Variants in MTUS1 observed in about 807,000 individuals in gnomAD.
The protein encoded by MTUS1 is microtubule associated scaffold protein 1.
In MTUS1, 109 loss-of-function variants were observed where a neutral mutation model predicts 120.8. That is an observed-to-expected ratio of 0.90 (90% confidence interval 0.77 to 1.06). The LOEUF is 1.06. MTUS1 is among the 50% of genes least tolerant of loss of function. MTUS1 has a pLI of 0.00. For missense variants in MTUS1, 2,210 were observed against 1,486.3 expected (o/e 1.49, Z -8.01); for synonymous variants, 737 against 550.5 (o/e 1.34, Z -4.74).
At chr8:17,665,978 G>A (rs566727008) in intron 8 of MTUS1, among the ~76,000 whole-genome samples, 7 of 152,046 alleles carry the variant, frequency 4.6e-5, no homozygotes, top group South Asian at 2.1e-4. Flanking sequence ...CCTCCCCTAA[G>A]GTTCTAGCCT....
At chr8:17,703,047 G>A (rs1170039400) in intron 6 of MTUS1, among the ~76,000 whole-genome samples, 1 of 152,142 alleles carries the variant, frequency 6.6e-6, no homozygotes, top group Non-Finnish European at 1.5e-5. Flanking sequence ...CAATCTGATT[G>A]CAAAATGTTT....
chr8:17,675,249 C>G lies in MTUS1; in HGVS notation c.2842G>C (p.Glu948Gln). ...GTTTTGTGTTGTTTCAGTGCTTCCT[C>G]CCGCTGCGGAAAACACACATCAAGT... The part of the protein sequence containing the change: ...VVIQHLLSER[E>Q]EALKQHKTLS... The change falls in exon 8 of 15, where the codon GAG becomes CAG. Residue 948 changes from glutamate (E) to glutamine (Q), a missense_variant. Coordinates refer to ENST00000693296, the MANE Select transcript of MTUS1 (RefSeq NM_001363059.2). 1.9e-6 allele frequency: 3 copies of G among 1,614,058 alleles called. No homozygotes were observed. The highest frequency in any genetic ancestry group is 2.5e-6 in the Non-Finnish European group (3 of 1,179,972).
In MTUS1 at chr8:17,755,585, G is replaced by T. The variant is rs61733703; in HGVS notation, c.223C>A (p.Gln75Lys). The change falls in exon 2 of 15, where the codon CAG becomes AAG. Residue 75 changes from glutamine to lysine, a missense_variant. Gln to Lys is a moderately conservative substitution (Grantham distance 53). Coordinates refer to ENST00000693296, the MANE Select transcript of MTUS1 (RefSeq NM_001363059.2). ...VTGENISLSLQGVEVFGHEKS... is the reference protein window; with the variant it reads ...VTGENISLSLKGVEVFGHEKS... ...TCATGACCAAATACTTCAACACCCT[G>T]AAGGCTTAAAGAAATATTTTCACCA... The T allele has an allele frequency of 1.7e-3, 2,791 of 1,614,124 alleles. 47 individuals are homozygous for T. In the African/African-American group the frequency reaches 0.033, roughly 19 times the overall value.
intron 1 of MTUS1, among the ~76,000 whole-genome samples, chr8:17,759,160 C>G (rs1395292528): frequency 6.6e-6 from 1 of 152,176 alleles, no homozygotes; most frequent in Non-Finnish European, 1.5e-5. Context: ...GGATTACAGG[C>G]ATGAGCCACC....
At chr8:17,724,151 C>G (rs2046044144) in intron 3 of MTUS1, 2 of 492,458 alleles carry the variant, frequency 4.1e-6, no homozygotes, top group Non-Finnish European at 7.8e-6. Flanking sequence ...GAGAAAGCAG[C>G]TTTTGGCAAA....
At chr8:17,684,179 G>A (rs1016931537) in intron 7 of MTUS1, 149 bp downstream of exon 7, 6 of 634,766 alleles carry the variant, frequency 9.5e-6, no homozygotes, top group African/African-American at 1.8e-5. Context: ...TCAAGTATCT[G>A]GTGAAGTGAC....
chr8:17,703,725 G>A (rs932241503), intron 6 of MTUS1, among the ~76,000 whole-genome samples: 4 of 151,916 alleles, frequency 2.6e-5, no homozygotes, highest in African/African-American at 4.8e-5. Context: ...ACCAACCCTG[G>A]TAAATTTGAG....
intron 9 of MTUS1, chr8:17,654,959 G>T: frequency 3.0e-6 from 1 of 336,268 alleles, no homozygotes; most frequent in Non-Finnish European, 5.5e-6. Flanking sequence ...GAAGAGCAAC[G>T]CAACTGGGAT....
intron 3 of MTUS1, 143 bp downstream of exon 3, chr8:17,743,461 C>T (rs1258225847): frequency 6.7e-6 from 5 of 748,306 alleles, no homozygotes; most frequent in Non-Finnish European, 1.1e-5. Flanking sequence ...ATGTTGTCAT[C>T]TTCTTTTTCT....
chr8:17,708,698 T>A (rs1049333369), intron 6 of MTUS1: 2 of 152,234 alleles, frequency 1.3e-5, no homozygotes, highest in Non-Finnish European at 2.9e-5. Context: ...AAAGCCTAAA[T>A]GTGTACAGCA....
intron 12 of MTUS1, 44 bp from the exon 13 acceptor site, chr8:17,650,006 C>A: frequency 1.0e-6 from 1 of 992,358 alleles, no homozygotes; most frequent in South Asian, 1.3e-5. Flanking sequence ...CCACATAGTT[C>A]AAATTCTTAA....
At chr8:17,760,772 T>C (rs1195058445) in intron 1 of MTUS1, among the ~76,000 whole-genome samples, 1 of 147,336 alleles carries the variant, frequency 6.8e-6, no homozygotes, top group Non-Finnish European at 1.5e-5. Context: ...ATGCAGAAAG[T>C]TAAAAAATAA....
intron 2 of MTUS1, among the ~76,000 whole-genome samples, chr8:17,748,786 T>C (rs2047964275): frequency 6.6e-6 from 1 of 152,224 alleles, no homozygotes; most frequent in Admixed American, 6.5e-5. Context: ...GAAAAACTCC[T>C]GCAACAGTAT....
intron 6 of MTUS1, among the ~76,000 whole-genome samples, chr8:17,700,164 G>T (rs1048890341): frequency 6.6e-6 from 1 of 152,030 alleles, no homozygotes; most frequent in African/African-American, 2.4e-5. Context: ...GTAAAAGTTA[G>T]CTATGAGTCT....
At chr8:17,758,118 T>A (rs1157563212) in intron 1 of MTUS1, 1 of 152,198 alleles carries the variant, frequency 6.6e-6, no homozygotes, top group Admixed American at 6.5e-5. Flanking sequence ...AAAATGCCAT[T>A]TCGTGTGTTA....
chr8:17,785,690 G>C (rs2051244717), intron 1 of MTUS1, among the ~76,000 whole-genome samples: 2 of 152,116 alleles, frequency 1.3e-5, no homozygotes, highest in Admixed American at 6.5e-5. Flanking sequence ...TCAACATTCT[G>C]TCACCAGGTA....
At chr8:17,684,670 A>T (rs1815379152) in intron 6 of MTUS1, 128 bp from the exon 7 acceptor site, 1 of 721,686 alleles carries the variant, frequency 1.4e-6, no homozygotes, top group South Asian at 1.6e-5. Context: ...TAAGGAATGC[A>T]TATGGATGAG....
chr8:17,658,465 A>AT (rs2130342772), intron 8 of MTUS1, among the ~76,000 whole-genome samples: 1 of 152,314 alleles, frequency 6.6e-6, no homozygotes, highest in South Asian at 2.1e-4. Flanking sequence ...AAAATCTTGA[A>AT]TTCCTTAGGA....
Position 17,663,321 on chromosome 8 carries a change from T to G in MTUS1, c.2906-7256A>C, listed in dbSNP as rs542586648. ...CAGAGACTCATTTCCCTTTGTTGAT[T>G]GATAAATGTACTGTTTACAGAGAAA... On this transcript the variant is annotated intron_variant, in intron 8 of 14. Transcript: ENST00000693296. Among the ~76,000 whole-genome samples, 10 of 152,312 alleles carry G rather than the reference T, an allele frequency of 6.6e-5. No homozygotes were observed. The South Asian group carries it at 2.1e-3, about 32-fold the overall frequency.
Sources: allele counts gnomAD v4.1 joint callset (sites outside exome capture counted in the v4.1 genomes callset), GRCh38; gene constraint gnomAD v4.1.1; transcripts MANE v1.5; gene names NCBI Gene and HGNC (gene_info 2026-07-23, HGNC 2026-07-21).